RBFOX1: variants seen among roughly 807,000 people sequenced by gnomAD.
RBFOX1 encodes the protein RNA binding protein fox-1 homolog 1.
A neutral mutation model predicts 57.7 loss-of-function variants in RBFOX1; 8 were observed. The ratio of observed to expected loss-of-function variants is 0.14; its 90% CI spans 0.08 to 0.25. The LOEUF is 0.25. RBFOX1 is among the 10% of genes least tolerant of loss of function. The pLI is 1.00. For synonymous variants in RBFOX1, 326 were observed against 222.4 expected (o/e 1.47, Z -4.15); for missense variants, 611 against 548.5 (o/e 1.11, Z -1.14).
rs1567593361 is a variant in RBFOX1, at chr16:6,859,171, A to ATATGTATATATATGTATATATATATG, written c.-15-192882_-15-192857dup. Among the ~76,000 whole-genome samples, 40 of 78,656 alleles carry ATATGTATATATATGTATATATATATG rather than the reference A, an allele frequency of 5.1e-4. No homozygotes were observed. The South Asian group carries it at 0.019, about 38-fold the overall frequency. 51.6% of individuals were successfully genotyped at this position (78,656 alleles called of 152,430 possible). On this transcript the variant is annotated intron_variant, in intron 3 of 15. Coordinates refer to ENST00000550418, the MANE Select transcript of RBFOX1 (RefSeq NM_018723.4). ...TATATATGTATATATATACGTATATATATGTATATATATGTATATATATAT... is the reference window on the plus strand; with the variant it reads ...TATATATGTATATATATACGTATATATATGTATATATATGTATATATATATGTATGTATATATATGTATATATATAT...
intron 12 of RBFOX1, among the ~76,000 whole-genome samples, chr16:7,655,100 G>A: frequency 6.6e-6 from 1 of 152,134 alleles, no homozygotes; most frequent in Admixed American, 6.6e-5. Context: ...AAATCTTTCA[G>A]AAAATCTACA....
chr16:5,981,503 C>T (rs1045184350), intron 4 of RBFOX1, among the ~76,000 whole-genome samples: 11 of 152,272 alleles, frequency 7.2e-5, no homozygotes, highest in African/African-American at 2.2e-4. Context: ...GAGTCTCATT[C>T]TGTCACCCAG....
chr16:6,566,566 C>G lies in RBFOX1; in HGVS notation c.-63-88037C>G, dbSNP rs76691780. Among the ~76,000 whole-genome samples, 177 of 152,214 alleles carry G rather than the reference C, an allele frequency of 1.2e-3. 1 individual carries two copies. Among genetic ancestry groups the G allele is most frequent in the African/African-American group, 4.0e-3 (168 of 41,536 alleles). On this transcript the variant is annotated intron_variant, in intron 2 of 15. Coordinates refer to ENST00000550418, the MANE Select transcript of RBFOX1 (RefSeq NM_018723.4). ...TTATCCCTTGACTATTTGTCGAGACCTTTGTTTGCCGAAATACTGCTTTAT... is the reference window on the plus strand; with the variant it reads ...TTATCCCTTGACTATTTGTCGAGACGTTTGTTTGCCGAAATACTGCTTTAT...
At chr16:6,496,790 T>C (rs535220575) in intron 2 of RBFOX1, among the ~76,000 whole-genome samples, 2 of 152,066 alleles carry the variant, frequency 1.3e-5, no homozygotes, top group East Asian at 2.0e-4. Context: ...TGAAACGTCA[T>C]CTCTACTAAA....
chr16:6,867,668 C>T (rs1027570358), intron 3 of RBFOX1, among the ~76,000 whole-genome samples: 2 of 152,020 alleles, frequency 1.3e-5, no homozygotes, highest in Admixed American at 1.3e-4. Flanking sequence ...GCAGTGAGTG[C>T]CGAGATTGCC....
rs547710352 is a variant in RBFOX1, at chr16:5,509,016, C to G, written c.258+41762C>G. On this transcript the variant is annotated intron_variant, in intron 2 of 2. Coordinates refer to the RBFOX1 transcript ENST00000585867. ...CCTATTGTTAACTGGACTTCCTTCCCTCTCACTTACACCCTTACTCAGTCA... is the reference window on the plus strand; with the variant it reads ...CCTATTGTTAACTGGACTTCCTTCCGTCTCACTTACACCCTTACTCAGTCA... 2.0e-5 allele frequency among the ~76,000 whole-genome samples: 3 copies of G among 152,302 alleles called. No homozygotes were observed. In the East Asian group the frequency reaches 5.8e-4, roughly 29 times the overall value.
chr16:6,282,742 C>G (rs999885619), intron 1 of RBFOX1, among the ~76,000 whole-genome samples: 1 of 152,136 alleles, frequency 6.6e-6, no homozygotes, highest in African/African-American at 2.4e-5. Flanking sequence ...TTTGCCCCTT[C>G]TTTTAAGAGG....
chr16:5,433,407 A>C (rs2067813959), intron 1 of RBFOX1, among the ~76,000 whole-genome samples: 1 of 151,968 alleles, frequency 6.6e-6, no homozygotes, highest in Admixed American at 6.5e-5. Flanking sequence ...GCACTTGGTC[A>C]CTCTGGCCAG....
chr16:6,357,475 C>G (rs918197812), intron 2 of RBFOX1, among the ~76,000 whole-genome samples: 8 of 151,980 alleles, frequency 5.3e-5, no homozygotes, highest in African/African-American at 1.5e-4. Flanking sequence ...GTTTCTGTTC[C>G]AAGGATAAGG....
intron 3 of RBFOX1, among the ~76,000 whole-genome samples, chr16:6,829,499 A>G (rs898827336): frequency 1.3e-5 from 2 of 151,954 alleles, no homozygotes; most frequent in African/African-American, 2.4e-5. Context: ...AAAAAAACAA[A>G]AAAACGTTAA....
At chr16:7,315,380 C>T (rs999768630) in intron 4 of RBFOX1, among the ~76,000 whole-genome samples, 1 of 150,984 alleles carries the variant, frequency 6.6e-6, no homozygotes, top group African/African-American at 2.4e-5. Context: ...ATAAACATGT[C>T]ATTTTAGTAG....
chr16:5,812,629 CTTT>C (rs984485788), intron 3 of RBFOX1, among the ~76,000 whole-genome samples: 1 of 151,776 alleles, frequency 6.6e-6, no homozygotes, highest in Admixed American at 6.6e-5. Context: ...CCAGAAAATT[CTTT>C]TTTATCTTTG....
intron 3 of RBFOX1, among the ~76,000 whole-genome samples, chr16:6,828,448 C>T (rs780374851): frequency 7.9e-5 from 12 of 151,756 alleles, no homozygotes; most frequent in Non-Finnish European, 5.9e-5. Context: ...CACTTGAACC[C>T]AGGAGGAAGA....
intron 2 of RBFOX1, among the ~76,000 whole-genome samples, chr16:5,532,484 G>C (rs1424630076): frequency 1.3e-5 from 2 of 152,204 alleles, no homozygotes; most frequent in South Asian, 2.1e-4. Context: ...TGGTGAGTCA[G>C]ATGCGTATTA....
intron 4 of RBFOX1, among the ~76,000 whole-genome samples, chr16:7,083,253 C>G (rs1189363168): frequency 6.6e-6 from 1 of 151,910 alleles, no homozygotes; most frequent in Admixed American, 6.6e-5. Flanking sequence ...GATTGTAACA[C>G]CTCCCACACT....
At chr16:5,239,966 A>G (rs767730322) in exon 1 of RBFOX1, 14 of 1,525,522 alleles carry the variant, frequency 9.2e-6, no homozygotes, top group Non-Finnish European at 8.8e-7. Context: ...GAGGAGGACG[A>G]CGTCCCTCCC....
chr16:6,462,691 T>G (rs976238028), intron 2 of RBFOX1, among the ~76,000 whole-genome samples: 7 of 151,844 alleles, frequency 4.6e-5, no homozygotes, highest in Non-Finnish European at 8.8e-5. Context: ...ATTACCATGT[T>G]TTTACCCCCC....
At chr16:5,621,031 G>A (rs1022696521) in intron 3 of RBFOX1, among the ~76,000 whole-genome samples, 3 of 152,114 alleles carry the variant, frequency 2.0e-5, no homozygotes, top group Non-Finnish European at 4.4e-5. Context: ...CAGTAGAGGC[G>A]AGGTTTCACC....
In RBFOX1 at chr16:5,905,347, C is replaced by T. The variant is rs181179641; in HGVS notation, c.351+38012C>T. On this transcript the variant is annotated intron_variant, in intron 4 of 19. Coordinates refer to the RBFOX1 transcript ENST00000641259. ...GGATTCCAGGCATGAGCTGCTGTGA[C>T]GGACCTAACTGGTGTTTTTACAAGG... 2.2e-3 allele frequency among the ~76,000 whole-genome samples: 338 copies of T among 152,014 alleles called. 3 individuals are homozygous for T. The highest frequency in any genetic ancestry group is 6.8e-3 in the Middle Eastern group (2 of 294).
Sources: allele counts gnomAD v4.1 joint callset (sites outside exome capture counted in the v4.1 genomes callset), GRCh38; gene constraint gnomAD v4.1.1; transcripts MANE v1.5; gene names NCBI Gene and HGNC (gene_info 2026-07-23, HGNC 2026-07-21).